Variants in USP10 observed in about 807,000 individuals in gnomAD.
USP10 encodes the protein ubiquitin carboxyl-terminal hydrolase 10.
Under a neutral mutation model 84.5 loss-of-function variants are expected in USP10, and 22 were observed. The ratio of observed to expected loss-of-function variants is 0.26; its 90% CI spans 0.19 to 0.37. USP10 has a LOEUF of 0.37. Ranked by LOEUF, USP10 falls within the 10% of genes least tolerant of loss-of-function variation. The probability of loss-of-function intolerance (pLI) is 1.00; values close to 1 mark genes in which losing one functional copy is unlikely to be tolerated. For missense variants in USP10, 1,019 were observed against 998.9 expected (o/e 1.02, Z -0.27); for synonymous variants, 454 against 387.6 (o/e 1.17, Z -2.01).
chr16:84,773,895 A>G lies in USP10; in HGVS notation c.2143+1210A>G, dbSNP rs185596072. Reference sequence around the variant, plus strand: ...TTTGCTACAGTGATTTTATTTTTATATCTTTTCTTGCTTGCTGTATTTTTA... The same window carrying G: ...TTTGCTACAGTGATTTTATTTTTATGTCTTTTCTTGCTTGCTGTATTTTTA... On this transcript the variant is annotated intron_variant, in intron 12 of 13. Transcript: ENST00000219473. Among the ~76,000 whole-genome samples, 54 of 152,240 alleles carry G rather than the reference A, an allele frequency of 3.5e-4. No individual in the cohort carries two copies. In the East Asian group the frequency reaches 9.9e-3, roughly 28 times the overall value.
At chr16:84,726,286 G>T (rs1393583416) in intron 1 of USP10, among the ~76,000 whole-genome samples, 2 of 152,224 alleles carry the variant, frequency 1.3e-5, no homozygotes, top group African/African-American at 4.8e-5. Context: ...CAGTTCCGGC[G>T]GGAGAGCTGT....
intron 1 of USP10, chr16:84,704,693 A>C: frequency 6.8e-7 from 1 of 1,478,176 alleles, no homozygotes; most frequent in Non-Finnish European, 8.9e-7. Flanking sequence ...TAGAATCTTC[A>C]GATCCTAGAT....
At chr16:84,729,017 T>TG (rs1908875775) in intron 1 of USP10, among the ~76,000 whole-genome samples, 1 of 151,982 alleles carries the variant, frequency 6.6e-6, no homozygotes, top group Admixed American at 6.6e-5. Context: ...GGGCTGGTCT[T>TG]GAACTCCTGA....
chr16:84,700,722 T>G (rs548871845), intron 1 of USP10, among the ~76,000 whole-genome samples: 2 of 152,314 alleles, frequency 1.3e-5, no homozygotes, highest in African/African-American at 4.8e-5. Flanking sequence ...TACTTTCACT[T>G]GCGTTTGAGT....
At position 84,744,842 on chromosome 16, in the gene USP10, G is replaced by T; in HGVS notation, c.361G>T (p.Ala121Ser). Reference sequence around the variant, plus strand: ...CATCGACTGCCAGTACCCAGGCTCTGCCCTCGCTTTGGATGGAAGTTCTAA... The same window carrying T: ...CATCGACTGCCAGTACCCAGGCTCTTCCCTCGCTTTGGATGGAAGTTCTAA... ...GSIDCQYPGS[A>S]LALDGSSNVE... is the part of the protein sequence containing the mutation. Residue 121 changes from alanine (A) to serine (S), a missense_variant, in exon 4 of 14, where the codon GCC becomes TCC. Ala to Ser is a moderately conservative substitution (Grantham distance 99). Around this residue, in one of 2 missense-constraint regions of USP10, gnomAD observed 787 missense variants for 708.8 expected, o/e 1.11. Coordinates refer to ENST00000219473, the MANE Select transcript of USP10 (RefSeq NM_005153.3). 1 of 1,613,766 alleles carries T rather than the reference G, an allele frequency of 6.2e-7. No individual in the cohort carries two copies. The highest frequency in any genetic ancestry group is 8.5e-7 in the Non-Finnish European group (1 of 1,179,728).
rs1912945654 is a variant in USP10 at position 84,759,449 on chromosome 16, G to A, written c.1371G>A (p.Thr457=). The A allele has an allele frequency of 9.9e-6, 16 of 1,613,952 alleles. No individual in the cohort carries two copies. Among genetic ancestry groups the A allele is most frequent in the African/African-American group, 1.3e-5 (1 of 75,028 alleles). The change falls in exon 6 of 14, where the codon ACG becomes ACA. Residue 457 remains threonine (T), a synonymous_variant. Coordinates refer to ENST00000219473, the MANE Select transcript of USP10 (RefSeq NM_005153.3). The part of the protein sequence containing the change: ...PLYSKVQRPC[T]STPMIDSFVR... ...ATTCCAAAGTGCAAAGGCCTTGTAC[G>A]TCAACACCCATGATAGACAGCTTGT...
chr16:84,752,446 C>T (rs1912041322), intron 4 of USP10, among the ~76,000 whole-genome samples: 1 of 152,198 alleles, frequency 6.6e-6, no homozygotes, highest in African/African-American at 2.4e-5. Context: ...GTTGCCTGCC[C>T]TCTATCCTTG....
intron 10 of USP10, among the ~76,000 whole-genome samples, chr16:84,766,108 A>C (rs956959989): frequency 6.6e-6 from 1 of 152,206 alleles, no homozygotes; most frequent in Admixed American, 6.5e-5. Flanking sequence ...TGAGGCATCA[A>C]GACTTGATTC....
chr16:84,775,021 C>A, intron 12 of USP10, 139 bp from the exon 13 acceptor site: 2 of 717,706 alleles, frequency 2.8e-6, no homozygotes, highest in Non-Finnish European at 2.5e-6. Flanking sequence ...TTTTGTGCAA[C>A]TGAAGGGATA....
chr16:84,779,464 AAG>A lies in USP10; in HGVS notation c.*384_*385del, dbSNP rs1274147937. On this transcript the variant is annotated 3_prime_UTR_variant, in exon 14 of 14. Transcript: ENST00000219473. Reference sequence around the variant, plus strand: ...AAATGAATTTTATCTTTCCTTAAAAAAGAAATTTTTTAATCCATCACACTTTT... The same window carrying A: ...AAATGAATTTTATCTTTCCTTAAAAAAAATTTTTTAATCCATCACACTTTT... 1 of 157,182 alleles carries A rather than the reference AAG, an allele frequency of 6.4e-6. No homozygotes were observed. Among genetic ancestry groups the A allele is most frequent in the Non-Finnish European group, 1.4e-5 (1 of 71,348 alleles). The allele number at this position is 157,182 out of a possible 1,614,324, so 9.7% of individuals were successfully genotyped here. A position where few individuals can be genotyped will look rare whatever the true frequency, so the allele number is the denominator to read the frequency against.
intron 1 of USP10, among the ~76,000 whole-genome samples, chr16:84,707,259 A>G (rs1363330663): frequency 6.6e-6 from 1 of 152,240 alleles, no homozygotes; most frequent in Non-Finnish European, 1.5e-5. Context: ...CATTTACAGA[A>G]TGAATGAATG....
intron 2 of USP10, among the ~76,000 whole-genome samples, chr16:84,735,949 G>A (rs1597333224): frequency 6.6e-6 from 1 of 152,298 alleles, no homozygotes; most frequent in East Asian, 1.9e-4. Context: ...CTTTCATGGG[G>A]CGGCATGTGG....
At chr16:84,717,808 C>A (rs1482134829) in intron 1 of USP10, among the ~76,000 whole-genome samples, 1 of 152,194 alleles carries the variant, frequency 6.6e-6, no homozygotes, top group Non-Finnish European at 1.5e-5. Context: ...CTCTGGTCCT[C>A]AGGTGTATGT....
At chr16:84,725,545 CG>C (rs376089624) in intron 1 of USP10, among the ~76,000 whole-genome samples, 48 of 152,150 alleles carry the variant, frequency 3.2e-4, no homozygotes, top group African/African-American at 1.1e-3. Flanking sequence ...AGATTAGAGG[CG>C]CCTGCCACCA....
At position 84,700,195 on chromosome 16, in the gene USP10, G is replaced by T. The variant is rs1904653346; in HGVS notation, c.21+84G>T. The stretch of plus-strand genomic sequence containing the variant: ...CGCGGCGGGCGGGCGTCCGCGCCCT[G>T]CCCGGAGCGAGCGTGTGGGAGTGGG... On this transcript the variant is annotated intron_variant, in intron 1 of 13. Coordinates refer to ENST00000219473, the MANE Select transcript of USP10 (RefSeq NM_005153.3). The T allele has an allele frequency of 5.6e-6, 6 of 1,076,540 alleles. No homozygotes were observed. In the South Asian group the frequency reaches 1.1e-4, roughly 19 times the overall value. The allele number at this position is 1,076,540 out of a possible 1,614,324, so 66.7% of individuals were successfully genotyped here. A position where few individuals can be genotyped will look rare whatever the true frequency, so the allele number is the denominator to read the frequency against.
chr16:84,717,793 C>T (rs1907243953), intron 1 of USP10, among the ~76,000 whole-genome samples: 1 of 152,136 alleles, frequency 6.6e-6, no homozygotes, highest in African/African-American at 2.4e-5. Context: ...CATTGAGGTC[C>T]TAGTCTCTGG....
chr16:84,776,044 T>C (rs1414792446), intron 13 of USP10, among the ~76,000 whole-genome samples: 1 of 152,218 alleles, frequency 6.6e-6, no homozygotes, highest in African/African-American at 2.4e-5. Flanking sequence ...AACATAACAC[T>C]GCCATTTATT....
chr16:84,762,720 A>T (rs1913353676), intron 8 of USP10, among the ~76,000 whole-genome samples: 1 of 152,092 alleles, frequency 6.6e-6, no homozygotes, highest in Non-Finnish European at 1.5e-5. Context: ...TTTATTGAAG[A>T]AAATTTCAAA....
Position 84,746,501 on chromosome 16 carries a change from T to A in USP10, c.1192+828T>A, listed in dbSNP as rs921627795. The stretch of plus-strand genomic sequence containing the variant: ...TGTCCAGCGTGTTACTACTGAATAC[T>A]GTAGGCAGTTGTAACACAGTGCTAA... On this transcript the variant is annotated intron_variant, in intron 4 of 13. Coordinates refer to ENST00000219473, the MANE Select transcript of USP10 (RefSeq NM_005153.3). 3.3e-5 allele frequency among the ~76,000 whole-genome samples: 5 copies of A among 152,368 alleles called. No individual in the cohort carries two copies. In the South Asian group the frequency reaches 8.3e-4, roughly 25 times the overall value.
Sources: gnomAD v4.1 joint callset for allele counts (sites outside exome capture counted in the v4.1 genomes callset) on GRCh38, gnomAD v4.1.1 for gene constraint, gnomAD v4.1.1 regional missense constraint, MANE v1.5 for transcripts, NCBI Gene and HGNC (gene_info 2026-07-23, HGNC 2026-07-21) for gene names.